Variants in MPZL1 observed in about 807,000 individuals in gnomAD.
The protein encoded by MPZL1 is myelin protein zero like 1, also known as myelin protein zero-like protein 1.
A neutral mutation model predicts 29.3 loss-of-function variants in MPZL1; 16 were observed. That is an observed-to-expected ratio of 0.55 (90% confidence interval 0.37 to 0.83). The LOEUF (loss-of-function observed/expected upper bound fraction) is 0.83. MPZL1 is among the 40% of genes least tolerant of loss of function. The pLI, the probability that MPZL1 is intolerant of heterozygous loss-of-function variation, is 0.00. For missense variants in MPZL1, 279 were observed against 332.9 expected (o/e 0.84, Z 1.26); for synonymous variants, 143 against 132.0 (o/e 1.08, Z -0.57).
At chr1:167,777,557 T>C (rs565800525) in intron 5 of MPZL1, among the ~76,000 whole-genome samples, 96 of 148,072 alleles carry the variant, frequency 6.5e-4, no homozygotes, top group Non-Finnish European at 1.3e-3. Flanking sequence ...TGAGGCTGAG[T>C]ACCAAAGAAG....
chr1:167,765,486 C>A, intron 1 of MPZL1, 97 bp from the exon 2 acceptor site: 3 of 992,590 alleles, frequency 3.0e-6, no homozygotes, highest in Non-Finnish European at 4.4e-6. Flanking sequence ...CTGTATATAT[C>A]TAGTAACTTT....
At chr1:167,729,096 A>G (rs1010395322) in intron 1 of MPZL1, among the ~76,000 whole-genome samples, 10 of 151,806 alleles carry the variant, frequency 6.6e-5, no homozygotes, top group African/African-American at 2.4e-4. Context: ...TAAAACCCCC[A>G]TCTTTACTGA....
chr1:167,738,656 G>A (rs1660432357), intron 1 of MPZL1, among the ~76,000 whole-genome samples: 1 of 152,102 alleles, frequency 6.6e-6, no homozygotes, highest in African/African-American at 2.4e-5. Flanking sequence ...TCTTGACAGT[G>A]AGTGAGTGAG....
Position 167,776,206 on chromosome 1 carries a change from T to G in MPZL1, c.708+40T>G, listed in dbSNP as rs1661364714. 3 of 1,452,686 alleles carry G rather than the reference T, an allele frequency of 2.1e-6. No homozygotes were observed. The East Asian group carries it at 6.9e-5, about 34-fold the overall frequency. 90.0% of individuals were successfully genotyped at this position (1,452,686 alleles called of 1,614,324 possible). On this transcript the variant is annotated intron_variant, in intron 5 of 5. Transcript: ENST00000359523. Reference sequence around the variant, plus strand: ...CGATTCTGCCCACTGCACTGTTCCCTACAGCTTGGTGCTCTGTCACTTCCT... The same window carrying G: ...CGATTCTGCCCACTGCACTGTTCCCGACAGCTTGGTGCTCTGTCACTTCCT...
intron 2 of MPZL1, among the ~76,000 whole-genome samples, chr1:167,771,991 C>T (rs530878281): frequency 6.6e-6 from 1 of 152,122 alleles, no homozygotes; most frequent in South Asian, 2.1e-4. Context: ...GGCGTGGCCG[C>T]ACGTGCCTGC....
intron 1 of MPZL1, among the ~76,000 whole-genome samples, chr1:167,723,435 T>TA (rs1660081446): frequency 6.6e-6 from 1 of 152,220 alleles, no homozygotes; most frequent in Non-Finnish European, 1.5e-5. Context: ...GGTTGACAGA[T>TA]GATGACACAC....
chr1:167,773,155 A>T (rs1661287009), intron 3 of MPZL1, 81 bp from the exon 4 acceptor site: 1 of 1,430,502 alleles, frequency 7.0e-7, no homozygotes, highest in Non-Finnish European at 9.6e-7. Context: ...AAATGAAGAT[A>T]CTTGCTCGTT....
chr1:167,742,650 C>G (rs1287910085), intron 1 of MPZL1, among the ~76,000 whole-genome samples: 3 of 152,102 alleles, frequency 2.0e-5, no homozygotes, highest in Non-Finnish European at 4.4e-5. Context: ...TAAGTCCCAG[C>G]TATTTATCTT....
intron 5 of MPZL1, among the ~76,000 whole-genome samples, chr1:167,776,778 G>A (rs1661377155): frequency 6.6e-6 from 1 of 152,160 alleles, no homozygotes; most frequent in Admixed American, 6.5e-5. Flanking sequence ...AATTATAACT[G>A]TGGCTTGGCA....
intron 1 of MPZL1, among the ~76,000 whole-genome samples, chr1:167,744,559 C>G (rs1475396473): frequency 6.6e-6 from 1 of 151,666 alleles, no homozygotes; most frequent in Non-Finnish European, 1.5e-5. Context: ...TCGTGTGCGT[C>G]TATAATCCCA....
intron 1 of MPZL1, among the ~76,000 whole-genome samples, chr1:167,741,068 G>A (rs1429494894): frequency 6.6e-6 from 1 of 152,180 alleles, no homozygotes. Flanking sequence ...CCAGACTCAA[G>A]TGCAGTAGTG....
intron 1 of MPZL1, among the ~76,000 whole-genome samples, chr1:167,756,247 C>T (rs1441768346): frequency 6.6e-6 from 1 of 152,010 alleles, no homozygotes; most frequent in Non-Finnish European, 1.5e-5. Context: ...CTCCCAGGCC[C>T]AGGCAGTCCT....
At chr1:167,733,901 TA>T (rs955563371) in intron 1 of MPZL1, among the ~76,000 whole-genome samples, 146 of 142,438 alleles carry the variant, frequency 1.0e-3, no homozygotes, top group Non-Finnish European at 8.2e-4. Flanking sequence ...AGACCCTGTT[TA>T]AAAAAAAAAA....
At chr1:167,742,482 G>A (rs1660552148) in intron 1 of MPZL1, among the ~76,000 whole-genome samples, 1 of 151,978 alleles carries the variant, frequency 6.6e-6, no homozygotes, top group Non-Finnish European at 1.5e-5. Context: ...GTGCCTGAGG[G>A]AATTTCTTAA....
At chr1:167,755,616 G>A (rs1463132659) in intron 1 of MPZL1, among the ~76,000 whole-genome samples, 1 of 152,186 alleles carries the variant, frequency 6.6e-6, no homozygotes. Flanking sequence ...ACCAAGAAAT[G>A]TTTGGATGCT....
intron 2 of MPZL1, among the ~76,000 whole-genome samples, chr1:167,769,356 G>A (rs1208752636): frequency 6.6e-6 from 1 of 152,190 alleles, no homozygotes; most frequent in Non-Finnish European, 1.5e-5. Context: ...AGTAAAGGTA[G>A]TGTCTCCTTT....
intron 5 of MPZL1, among the ~76,000 whole-genome samples, chr1:167,784,804 G>A (rs906143382): frequency 1.3e-5 from 2 of 152,168 alleles, no homozygotes; most frequent in African/African-American, 4.8e-5. Flanking sequence ...TATTCTAAGG[G>A]GGAAGAGGAA....
chr1:167,755,786 G>A lies in MPZL1; in HGVS notation c.92-9797G>A, dbSNP rs191468833. 2.9e-4 allele frequency among the ~76,000 whole-genome samples: 44 copies of A among 152,260 alleles called. No homozygotes were observed. In the South Asian group the frequency reaches 6.8e-3, roughly 24 times the overall value. On this transcript the variant is annotated intron_variant, in intron 1 of 5. Transcript: ENST00000359523. ...GGCCAGCCACGGTGCTTCTGCAGCC[G>A]CACTGTAGATGTTTGTTTATTTGTC...
intron 1 of MPZL1, among the ~76,000 whole-genome samples, chr1:167,758,651 T>G (rs1660920139): frequency 6.6e-6 from 1 of 152,210 alleles, no homozygotes; most frequent in Non-Finnish European, 1.5e-5. Context: ...CACAGACTTT[T>G]TGATTACTTG....
Sources: gnomAD v4.1 joint callset for allele counts (sites outside exome capture counted in the v4.1 genomes callset) on GRCh38, gnomAD v4.1.1 for gene constraint, MANE v1.5 for transcripts, NCBI Gene and HGNC (gene_info 2026-07-23, HGNC 2026-07-21) for gene names.